The following ZC3H3 variants were observed in gnomAD, a reference collection of about 807,000 sequenced individuals.
ZC3H3 encodes the protein zinc finger CCCH-type containing 3, also known as zinc finger CCCH domain-containing protein 3.
ZC3H3 carries 36 observed loss-of-function variants against 77.3 expected under a neutral mutation model. The ratio of observed to expected loss-of-function variants is 0.47; its 90% CI spans 0.36 to 0.61. ZC3H3 has a LOEUF of 0.61. Ranked by LOEUF, ZC3H3 falls within the 20% of genes least tolerant of loss-of-function variation. ZC3H3 has a pLI of 0.00. For synonymous variants in ZC3H3, 626 were observed against 555.2 expected, an observed-to-expected ratio of 1.13 and a Z score of -1.79; for missense variants, 1,331 against 1,312.2, an observed-to-expected ratio of 1.01 and a Z score of -0.22.
chr8:143,454,248 AT>A (rs1162609287), intron 9 of ZC3H3, among the ~76,000 whole-genome samples: 255 of 139,178 alleles, frequency 1.8e-3, no homozygotes, highest in Middle Eastern at 3.7e-3. Context: ...CACTCAGGTA[AT>A]TTTTTTTTTT....
At chr8:143,517,897 G>C (rs528165898) in intron 3 of ZC3H3, among the ~76,000 whole-genome samples, 8 of 152,314 alleles carry the variant, frequency 5.3e-5, no homozygotes, top group Admixed American at 3.9e-4. Context: ...TCAGATACTC[G>C]AGGGCGGAAG....
At chr8:143,532,880 G>A (rs969003785) in intron 3 of ZC3H3, among the ~76,000 whole-genome samples, 3 of 151,962 alleles carry the variant, frequency 2.0e-5, no homozygotes, top group Admixed American at 6.5e-5. Flanking sequence ...GGAGTCTCAC[G>A]GTGGCTGTCT....
intron 4 of ZC3H3, among the ~76,000 whole-genome samples, chr8:143,480,274 C>T (rs1586907924): frequency 1.3e-5 from 2 of 152,326 alleles, no homozygotes; most frequent in South Asian, 2.1e-4. Flanking sequence ...ACAAGGCATG[C>T]CCACGCACAG....
chr8:143,484,093 T>C (rs1438059897), intron 4 of ZC3H3, among the ~76,000 whole-genome samples: 1 of 152,182 alleles, frequency 6.6e-6, no homozygotes, highest in Non-Finnish European at 1.5e-5. Flanking sequence ...GCAGCCTTGT[T>C]TGGGGGCCCC....
chr8:143,472,511 G>A lies in ZC3H3; in HGVS notation c.1903+2887C>T, dbSNP rs541986720. Among the ~76,000 whole-genome samples the A allele has an allele frequency of 3.9e-5, 6 of 152,308 alleles. No individual in the cohort carries two copies. The South Asian group carries it at 1.2e-3, about 32-fold the overall frequency. On this transcript the variant is annotated intron_variant, in intron 5 of 11. Transcript: ENST00000262577. ...TCCCTCTCCTCCCCACTGCTGAGCG[G>A]GCCAGGGCTATGCACTCCCTCCTCC...
At chr8:143,483,576 T>C (rs996640852) in intron 4 of ZC3H3, among the ~76,000 whole-genome samples, 4 of 151,930 alleles carry the variant, frequency 2.6e-5, no homozygotes, top group African/African-American at 9.7e-5. Flanking sequence ...AGGCGTGCAG[T>C]GGGGGTGCTA....
chr8:143,514,982 C>T (rs771639826), intron 3 of ZC3H3, among the ~76,000 whole-genome samples: 3 of 152,254 alleles, frequency 2.0e-5, no homozygotes, highest in Non-Finnish European at 2.9e-5. Flanking sequence ...GGCCTGTGCC[C>T]GGCCAGTGCC....
chr8:143,535,773 G>A lies in ZC3H3; in HGVS notation c.1561+484C>T, dbSNP rs142739261. On this transcript the variant is annotated intron_variant, in intron 3 of 11. Coordinates refer to ENST00000262577, the MANE Select transcript of ZC3H3 (RefSeq NM_015117.3). ...GACTGGGCACACTTAGAGTGGTACA[G>A]CAGGAGACCAGACCAATTCTTTCAG... Among the ~76,000 whole-genome samples, 3 of 152,380 alleles carry A rather than the reference G, an allele frequency of 2.0e-5. No individual in the cohort carries two copies. The East Asian group carries it at 5.8e-4, about 29-fold the overall frequency.
chr8:143,515,361 G>T (rs1822004503), intron 3 of ZC3H3, among the ~76,000 whole-genome samples: 1 of 152,256 alleles, frequency 6.6e-6, no homozygotes. Flanking sequence ...CGCAGCGAGG[G>T]GCTGCAGTGA....
At chr8:143,441,191 A>T in intron 9 of ZC3H3, 71 bp from the exon 10 acceptor site, 2 of 1,335,830 alleles carry the variant, frequency 1.5e-6, no homozygotes, top group Non-Finnish European at 1.9e-6. Flanking sequence ...AGGCAAGGAG[A>T]GCCAGGCCAG....
rs767128749 is a variant in ZC3H3, at chr8:143,465,726, CAGGGGGCAGT to C, written c.2288_2297del (p.Tyr763TrpfsTer133). The C allele has an allele frequency of 4.3e-6, 7 of 1,613,738 alleles. No individual in the cohort carries two copies. Among genetic ancestry groups the C allele is most frequent in the African/African-American group, 1.3e-5 (1 of 74,950 alleles). On this transcript the variant is annotated frameshift_variant, in exon 9 of 12. Coordinates refer to ENST00000262577, the MANE Select transcript of ZC3H3 (RefSeq NM_015117.3). LOFTEE classifies it high-confidence loss of function. ...CCCACAGACCACTCACCTTTGCACC[CAGGGGGCAGT>C]AGCCTTTGAGGAAGTCGCTGCAGAC...
chr8:143,475,047 G>A (rs895708066), intron 5 of ZC3H3, among the ~76,000 whole-genome samples: 7 of 152,228 alleles, frequency 4.6e-5, no homozygotes, highest in East Asian at 1.9e-4. Flanking sequence ...GCTCAGCCAC[G>A]CGAGGTGGGC....
intron 5 of ZC3H3, among the ~76,000 whole-genome samples, chr8:143,474,392 C>T (rs1249511841): frequency 6.6e-6 from 1 of 152,252 alleles, no homozygotes; most frequent in Non-Finnish European, 1.5e-5. Flanking sequence ...CAGGCATGGT[C>T]ATGGGCACTG....
intron 4 of ZC3H3, among the ~76,000 whole-genome samples, chr8:143,483,825 G>T (rs1389064723): frequency 6.6e-6 from 1 of 152,180 alleles, no homozygotes; most frequent in African/African-American, 2.4e-5. Flanking sequence ...GCTCCAAGGG[G>T]CCTCCAGGTA....
intron 4 of ZC3H3, among the ~76,000 whole-genome samples, chr8:143,500,933 C>T (rs1821506913): frequency 6.6e-6 from 1 of 152,058 alleles, no homozygotes; most frequent in East Asian, 1.9e-4. Flanking sequence ...CGGCCTCAGC[C>T]TCCCAAGTAA....
In ZC3H3 at chr8:143,468,556, G is replaced by C. The variant is rs1282622315; in HGVS notation, c.1947-16C>G. On this transcript the variant is annotated splice_polypyrimidine_tract_variant and intron_variant, in intron 6 of 11. Transcript: ENST00000262577. ...CACTGCCCGGCTGCAGACGGGGAGA[G>C]AGGTGCGTGAGCCTGAGGGCGAGCA... 4 of 1,604,298 alleles carry C rather than the reference G, an allele frequency of 2.5e-6. No individual in the cohort carries two copies. The highest frequency in any genetic ancestry group is 3.4e-5 in the Admixed American group (2 of 58,958).
chr8:143,489,260 C>T (rs531801589), intron 4 of ZC3H3, among the ~76,000 whole-genome samples: 1 of 152,160 alleles, frequency 6.6e-6, no homozygotes, highest in South Asian at 2.1e-4. Context: ...TGCTCTGCCA[C>T]TCTCCATGAC....
At chr8:143,519,163 G>A (rs892189864) in intron 3 of ZC3H3, among the ~76,000 whole-genome samples, 1 of 152,184 alleles carries the variant, frequency 6.6e-6, no homozygotes, top group Non-Finnish European at 1.5e-5. Context: ...ACGGCTGACT[G>A]GGGGCAGTGG....
chr8:143,482,725 C>A (rs879512556), intron 4 of ZC3H3, among the ~76,000 whole-genome samples: 3 of 152,214 alleles, frequency 2.0e-5, no homozygotes, highest in African/African-American at 7.2e-5. Context: ...GAAGGGCGAG[C>A]CTGTCCCTGT....
Sources: gnomAD v4.1 joint callset for allele counts (sites outside exome capture counted in the v4.1 genomes callset) on GRCh38, gnomAD v4.1.1 for gene constraint, MANE v1.5 for transcripts, NCBI Gene and HGNC (gene_info 2026-07-23, HGNC 2026-07-21) for gene names.